The following MTF2 variants were observed in gnomAD, a reference collection of about 807,000 sequenced individuals.
MTF2 encodes metal-response element-binding transcription factor 2.
Under a neutral mutation model 79.5 loss-of-function variants are expected in MTF2, and 11 were observed. The ratio of observed to expected loss-of-function variants is 0.14; its 90% CI spans 0.09 to 0.23. The LOEUF is 0.23. Ranked by LOEUF, MTF2 falls within the 10% of genes least tolerant of loss-of-function variation. The probability of loss-of-function intolerance (pLI) is 1.00; values close to 1 mark genes in which losing one functional copy is unlikely to be tolerated. For missense variants in MTF2, 486 were observed against 711.2 expected (o/e 0.68, Z 3.60); for synonymous variants, 208 against 232.8 (o/e 0.89, Z 0.97).
intron 1 of MTF2, among the ~76,000 whole-genome samples, chr1:93,091,011 T>C (rs924747971): frequency 6.6e-5 from 10 of 152,302 alleles, no homozygotes; most frequent in African/African-American, 2.4e-4. Flanking sequence ...CCTTGTAGCT[T>C]GTATGAATGT....
At chr1:93,133,599 A>G (rs1011193875) in intron 11 of MTF2, 104 bp from the exon 12 acceptor site, 7 of 481,500 alleles carry the variant, frequency 1.5e-5, no homozygotes, top group Admixed American at 8.4e-5. Flanking sequence ...TACCATTAAT[A>G]TAAAATAATA....
chr1:93,119,569 C>G, intron 8 of MTF2, 168 bp downstream of exon 8: 2 of 551,608 alleles, frequency 3.6e-6, no homozygotes, highest in Non-Finnish European at 6.5e-6. Context: ...TAAGTAACAT[C>G]CACTTGTATT....
At chr1:93,121,260 T>A in intron 9 of MTF2, 1 of 936,494 alleles carries the variant, frequency 1.1e-6, no homozygotes, top group Non-Finnish European at 1.3e-6. Context: ...TTAAAAGTAA[T>A]GTGTGTTCAT....
chr1:93,087,186 A>G (rs1045186023), intron 1 of MTF2, among the ~76,000 whole-genome samples: 4 of 152,222 alleles, frequency 2.6e-5, no homozygotes, highest in Non-Finnish European at 4.4e-5. Context: ...CTCAACTTGT[A>G]TTAGTATCTG....
Position 93,115,628 on chromosome 1 carries a change from T to TA in MTF2, c.632+11dup, listed in dbSNP as rs1557553615. 2.0e-6 allele frequency: 3 copies of TA among 1,536,338 alleles called. No homozygotes were observed. Among genetic ancestry groups the TA allele is most frequent in the Non-Finnish European group, 2.6e-6 (3 of 1,141,224 alleles). Reference sequence around the variant, plus strand: ...GTGGAGGCCCTGGAGAGTAAGTAAATACAGTTATGTAATTCCCTTTAAGTA... The same window carrying TA: ...GTGGAGGCCCTGGAGAGTAAGTAAATAACAGTTATGTAATTCCCTTTAAGTA... On this transcript the variant is annotated intron_variant, in intron 6 of 14. Transcript: ENST00000370298.
chr1:93,093,713 T>G (rs188213479), intron 1 of MTF2, among the ~76,000 whole-genome samples: 1 of 152,256 alleles, frequency 6.6e-6, no homozygotes, highest in Admixed American at 6.5e-5. Context: ...AAAAAATACA[T>G]TTTAGAGATA....
chr1:93,115,059 C>A lies in MTF2; in HGVS notation c.454C>A (p.Arg152=). The A allele has an allele frequency of 6.2e-7, 1 of 1,610,416 alleles. No individual in the cohort carries two copies. The highest frequency in any genetic ancestry group is 8.5e-7 in the Non-Finnish European group (1 of 1,177,236). The change falls in exon 5 of 15, where the codon CGG becomes AGG. Residue 152 remains arginine (R), a synonymous_variant. Coordinates refer to ENST00000370298, the MANE Select transcript of MTF2 (RefSeq NM_007358.4). ...VIDSDEKWLC[R]QCVFATTTKR... is the part of the protein sequence containing the mutation. ...TGATTCAGATGAAAAATGGCTCTGT[C>A]GGCAGTGTGTTTTTGCAACAACAAC... is the stretch of plus-strand genomic sequence containing the variant.
In MTF2 at chr1:93,115,740, CA is replaced by C. The variant is rs1049806713; in HGVS notation, c.632+123del. ...GCATGAACACATCAGTGAAGAAAAC[CA>C]GGGGGAAAATCTATTATTTTCATAA... On this transcript the variant is annotated intron_variant, in intron 6 of 14. Transcript: ENST00000370298. 7 of 676,078 alleles carry C rather than the reference CA, an allele frequency of 1.0e-5. No homozygotes were observed. The African/African-American group carries it at 1.1e-4, about 11-fold the overall frequency. The allele number at this position is 676,078 out of a possible 1,614,324, so 41.9% of individuals were successfully genotyped here.
chr1:93,124,662 TG>T (rs1217642807), intron 9 of MTF2, among the ~76,000 whole-genome samples: 2 of 152,006 alleles, frequency 1.3e-5, no homozygotes, highest in African/African-American at 2.4e-5. Flanking sequence ...AAAAATTCCT[TG>T]GGGCTTAGAG....
intron 1 of MTF2, among the ~76,000 whole-genome samples, chr1:93,094,483 GA>G (rs1259054889): frequency 6.6e-6 from 1 of 152,104 alleles, no homozygotes; most frequent in Admixed American, 6.5e-5. Flanking sequence ...TATGTTTTAA[GA>G]TTTTTTTTCA....
chr1:93,124,184 G>GGCT (rs1656601409), intron 9 of MTF2, among the ~76,000 whole-genome samples: 1 of 151,802 alleles, frequency 6.6e-6, no homozygotes, highest in Non-Finnish European at 1.5e-5. Flanking sequence ...TACTTCTTTT[G>GGCT]GCTTGGTACC....
At chr1:93,084,004 C>G (rs182743491) in intron 1 of MTF2, among the ~76,000 whole-genome samples, 48 of 152,034 alleles carry the variant, frequency 3.2e-4, no homozygotes, top group Non-Finnish European at 5.9e-4. Context: ...TATCTTTTCA[C>G]TTTCCTGATG....
Position 93,133,929 on chromosome 1 carries a change from A to G in MTF2, c.1268A>G (p.Asp423Gly), listed in dbSNP as rs761914281. ...MIQKTAEPLL[D>G]KESISENPTL... Reference sequence around the variant, plus strand: ...TAAGTATATATTTTTATTTTCCAGGATAAGGAATCAATTTCAGAGAATCCT... The same window carrying G: ...TAAGTATATATTTTTATTTTCCAGGGTAAGGAATCAATTTCAGAGAATCCT... The change falls in exon 13 of 15, where the codon GAT becomes GGT. Residue 423 changes from aspartate to glycine, a missense_variant and splice_region_variant. Coordinates refer to ENST00000370298, the MANE Select transcript of MTF2 (RefSeq NM_007358.4). 1.9e-6 allele frequency: 3 copies of G among 1,572,910 alleles called. No individual in the cohort carries two copies. The highest frequency in any genetic ancestry group is 2.3e-5 in the South Asian group (2 of 88,208).
At chr1:93,091,274 A>G (rs1020776105) in intron 1 of MTF2, among the ~76,000 whole-genome samples, 2 of 151,560 alleles carry the variant, frequency 1.3e-5, no homozygotes, top group Non-Finnish European at 2.9e-5. Flanking sequence ...GTAATATTTT[A>G]CTCTCTGGGT....
intron 1 of MTF2, among the ~76,000 whole-genome samples, chr1:93,094,875 A>G (rs1655217637): frequency 6.6e-6 from 1 of 152,170 alleles, no homozygotes; most frequent in Non-Finnish European, 1.5e-5. Flanking sequence ...TTATAGAGAA[A>G]GTTTACCTCT....
intron 1 of MTF2, among the ~76,000 whole-genome samples, chr1:93,102,182 T>G (rs1557547155): frequency 6.6e-6 from 1 of 152,228 alleles, no homozygotes; most frequent in Non-Finnish European, 1.5e-5. Context: ...CAGAAGAATG[T>G]TTGCAATATG....
chr1:93,122,017 G>T (rs1304660137), intron 9 of MTF2, among the ~76,000 whole-genome samples: 3 of 152,092 alleles, frequency 2.0e-5, no homozygotes, highest in African/African-American at 7.2e-5. Flanking sequence ...GGCCAGGCTG[G>T]TCTTGAACTC....
At position 93,123,541 on chromosome 1, in the gene MTF2, G is replaced by A. The variant is rs573625697; in HGVS notation, c.921+2869G>A. 1.1e-4 allele frequency among the ~76,000 whole-genome samples: 17 copies of A among 152,088 alleles called. No homozygotes were observed. The East Asian group carries it at 3.3e-3, about 29-fold the overall frequency. On this transcript the variant is annotated intron_variant, in intron 9 of 14. Transcript: ENST00000370298. ...TTTTGTAATGATATAAGTTGATTGA[G>A]ATTTTTTATGGCATTTTGCGTAGGA...
At position 93,118,374 on chromosome 1, in the gene MTF2, A is replaced by C. The variant is rs1051444513; in HGVS notation, c.662A>C (p.Lys221Thr). 2 of 1,601,788 alleles carry C rather than the reference A, an allele frequency of 1.2e-6. No individual in the cohort carries two copies. Among genetic ancestry groups the C allele is most frequent in the South Asian group, 2.2e-5 (2 of 89,168 alleles). The change falls in exon 7 of 15, where the codon AAA becomes ACA. Residue 221 changes from lysine to threonine, a missense_variant. Around this residue, in one of 4 missense-constraint regions of MTF2, gnomAD observed 177 missense variants for 364.0 expected, o/e 0.49. Transcript: ENST00000370298. The stretch of plus-strand genomic sequence containing the variant: ...TATTTGAAGATGCTACAGTGCTGCA[A>C]ATGTAAGCAGTGGTTTCATGAGGCT... ...DWYLKMLQCC[K>T]CKQWFHEACV... is the part of the protein sequence containing the mutation.
Sources: allele counts gnomAD v4.1 joint callset (sites outside exome capture counted in the v4.1 genomes callset), GRCh38; gene constraint gnomAD v4.1.1; regional missense constraint gnomAD v4.1.1; transcripts MANE v1.5; gene names NCBI Gene and HGNC (gene_info 2026-07-23, HGNC 2026-07-21).